The following CCDC85C variants were observed in gnomAD, a reference collection of about 807,000 sequenced individuals.
The protein encoded by CCDC85C is coiled-coil domain containing 85C.
CCDC85C carries 18 observed loss-of-function variants against 38.3 expected under a neutral mutation model. The observed-to-expected ratio is 0.47, with a 90% CI of 0.33 to 0.70. The LOEUF (loss-of-function observed/expected upper bound fraction) is 0.70, where lower values mean the gene tolerates loss of function less well. Among genes scored for constraint, CCDC85C ranks in the 30% least tolerant of loss-of-function variants. The pLI, the probability that CCDC85C is intolerant of heterozygous loss-of-function variation, is 0.03. For missense variants in CCDC85C, 566 were observed against 621.2 expected, an observed-to-expected ratio of 0.91 and a Z score of 0.94; for synonymous variants, 264 against 293.8, an observed-to-expected ratio of 0.90 and a Z score of 1.04.
At position 99,502,626 on chromosome 14, in the gene CCDC85C, C is replaced by G. The variant is rs1437764134; in HGVS notation, c.*12620G>C. On this transcript the variant is annotated 3_prime_UTR_variant, in exon 6 of 6. Coordinates refer to ENST00000380243, the MANE Select transcript of CCDC85C (RefSeq NM_001144995.2). ...TTGTAAATGTGATTCATGCTTAGGT[C>G]CTCGTAGGGGTATCATAACTGATTC... is the stretch of plus-strand genomic sequence containing the variant. 2.3e-6 allele frequency: 3 copies of G among 1,283,902 alleles called. No homozygotes were observed. In the African/African-American group the frequency reaches 4.4e-5, roughly 19 times the overall value. The allele number at this position is 1,283,902 out of a possible 1,614,324, so 79.5% of individuals were successfully genotyped here.
rs1897110628 is a variant in CCDC85C at position 99,510,761 on chromosome 14, G to A, written c.*4485C>T. 2.7e-6 allele frequency: 4 copies of A among 1,465,744 alleles called. No individual in the cohort carries two copies. In the East Asian group the frequency reaches 9.9e-5, roughly 36 times the overall value. The allele number at this position is 1,465,744 out of a possible 1,614,324, so 90.8% of individuals were successfully genotyped here. ...GCATGCCTCCAGTTGGGGGGCTGGG[G>A]CGGGCAGCCTGGATGAGATAACGTG... On this transcript the variant is annotated 3_prime_UTR_variant, in exon 6 of 6. Coordinates refer to ENST00000380243, the MANE Select transcript of CCDC85C (RefSeq NM_001144995.2).
intron 1 of CCDC85C, among the ~76,000 whole-genome samples, chr14:99,579,050 G>A (rs1272024640): frequency 6.6e-6 from 1 of 152,210 alleles, no homozygotes; most frequent in Non-Finnish European, 1.5e-5. Context: ...CCTACTGCAG[G>A]TGAGGAAACT....
intron 1 of CCDC85C, among the ~76,000 whole-genome samples, chr14:99,538,389 C>T (rs1327803804): frequency 6.6e-6 from 1 of 152,224 alleles, no homozygotes; most frequent in South Asian, 2.1e-4. Context: ...CTCCTGAAGG[C>T]TCTCCGCAGC....
intron 1 of CCDC85C, among the ~76,000 whole-genome samples, chr14:99,587,397 T>C (rs758683387): frequency 6.6e-6 from 1 of 152,228 alleles, no homozygotes; most frequent in Non-Finnish European, 1.5e-5. Context: ...CTAAGTCTCA[T>C]TTAAGGCCTC....
intron 1 of CCDC85C, among the ~76,000 whole-genome samples, chr14:99,554,411 C>T (rs1488509252): frequency 6.6e-6 from 1 of 152,234 alleles, no homozygotes; most frequent in Non-Finnish European, 1.5e-5. Flanking sequence ...AAGCCTGGCA[C>T]TGGAGTGTGC....
At chr14:99,550,806 C>G (rs1393469407) in intron 1 of CCDC85C, among the ~76,000 whole-genome samples, 2 of 152,188 alleles carry the variant, frequency 1.3e-5, no homozygotes, top group Non-Finnish European at 2.9e-5. Context: ...ACGCTGCCCT[C>G]TGAGCCGAGA....
At chr14:99,560,677 A>G (rs1189668057) in intron 1 of CCDC85C, among the ~76,000 whole-genome samples, 1 of 152,216 alleles carries the variant, frequency 6.6e-6, no homozygotes, top group Admixed American at 6.5e-5. Context: ...GGTGTACTCA[A>G]TGCACGCCTC....
intron 1 of CCDC85C, among the ~76,000 whole-genome samples, chr14:99,585,779 G>A (rs2055019568): frequency 2.0e-5 from 3 of 152,086 alleles, no homozygotes; most frequent in Admixed American, 2.0e-4. Flanking sequence ...CAGACCCTCG[G>A]GGCACCAGCC....
intron 1 of CCDC85C, among the ~76,000 whole-genome samples, chr14:99,590,149 C>T (rs1016884560): frequency 6.6e-6 from 1 of 152,188 alleles, no homozygotes; most frequent in Non-Finnish European, 1.5e-5. Context: ...CAGAGCAGCC[C>T]TGGGCTGGGG....
At chr14:99,587,234 G>A (rs1394896715) in intron 1 of CCDC85C, among the ~76,000 whole-genome samples, 4 of 152,334 alleles carry the variant, frequency 2.6e-5, no homozygotes, top group East Asian at 3.9e-4. Flanking sequence ...CCCCTGCCTC[G>A]GGAGAATCCC....
chr14:99,595,054 C>T (rs528309841), intron 1 of CCDC85C, among the ~76,000 whole-genome samples: 57 of 152,272 alleles, frequency 3.7e-4, no homozygotes, highest in Non-Finnish European at 6.0e-4. Flanking sequence ...GCCCACACCC[C>T]GAAGGAAAGC....
rs767282814 is a variant in CCDC85C, at chr14:99,510,277, C to A, written c.*4969G>T. 12 of 1,561,082 alleles carry A rather than the reference C, an allele frequency of 7.7e-6. No individual in the cohort carries two copies. Among genetic ancestry groups the A allele is most frequent in the Non-Finnish European group, 1.0e-5 (12 of 1,155,428 alleles). On this transcript the variant is annotated 3_prime_UTR_variant, in exon 6 of 6. Coordinates refer to ENST00000380243, the MANE Select transcript of CCDC85C (RefSeq NM_001144995.2). ...GCCCACCCGGCCCCTGTGCACCAGCCACCGCCGCTGCCACACCGGCCCCCG... is the reference window on the plus strand; with the variant it reads ...GCCCACCCGGCCCCTGTGCACCAGCAACCGCCGCTGCCACACCGGCCCCCG...
chr14:99,565,731 G>A (rs1043855954), intron 1 of CCDC85C, among the ~76,000 whole-genome samples: 13 of 152,204 alleles, frequency 8.5e-5, no homozygotes, highest in Non-Finnish European at 1.8e-4. Flanking sequence ...ATAACTCATT[G>A]TCTGGCTGTT....
intron 1 of CCDC85C, among the ~76,000 whole-genome samples, chr14:99,591,203 T>C (rs987345384): frequency 1.4e-4 from 22 of 152,338 alleles, no homozygotes; most frequent in Admixed American, 9.8e-4. Flanking sequence ...CTGAAGCCTT[T>C]GCGGCCTCAT....
At position 99,502,683 on chromosome 14, in the gene CCDC85C, A is replaced by G. The variant is rs189345231; in HGVS notation, c.*12563T>C. 5.0e-5 allele frequency: 80 copies of G among 1,592,132 alleles called. No homozygotes were observed. The highest frequency in any genetic ancestry group is 6.8e-5 in the Non-Finnish European group (79 of 1,160,806). On this transcript the variant is annotated 3_prime_UTR_variant, in exon 6 of 6. Coordinates refer to ENST00000380243, the MANE Select transcript of CCDC85C (RefSeq NM_001144995.2). Reference sequence around the variant, plus strand: ...CAGGTAAAATTTTATTTAAAATACCAATTTGTGTAAAATGTAATTGTTGGC... The same window carrying G: ...CAGGTAAAATTTTATTTAAAATACCGATTTGTGTAAAATGTAATTGTTGGC...
At chr14:99,546,027 G>A (rs1450164131) in intron 1 of CCDC85C, among the ~76,000 whole-genome samples, 3 of 151,224 alleles carry the variant, frequency 2.0e-5, no homozygotes, top group Non-Finnish European at 4.4e-5. Context: ...GGATTATGAT[G>A]CAACTAATCG....
chr14:99,562,903 ACT>A (rs1210271760), intron 1 of CCDC85C, among the ~76,000 whole-genome samples: 3 of 152,080 alleles, frequency 2.0e-5, no homozygotes, highest in African/African-American at 7.2e-5. Flanking sequence ...GTATGTGCAC[ACT>A]CACACACTCA....
rs1595092009 is a variant in CCDC85C at position 99,569,880 on chromosome 14, T to G, written c.793+33287A>C. Among the ~76,000 whole-genome samples the G allele has an allele frequency of 6.6e-6, 1 of 151,934 alleles. No homozygotes were observed. Among genetic ancestry groups the G allele is most frequent in the African/African-American group, 2.4e-5 (1 of 41,348 alleles). ...GGGAAGCTGAGGCGGGAGGATAGCA[T>G]GAGCCCAGGAGGTCAAGGCTGCAGT... On this transcript the variant is annotated intron_variant, in intron 1 of 5. Transcript: ENST00000380243. The surrounding 1 kb of genome is among the most constrained non-coding windows in gnomAD (Gnocchi z 4.3).
At position 99,504,398 on chromosome 14, in the gene CCDC85C, C is replaced by CTT. The variant is rs200996508; in HGVS notation, c.*10846_*10847dup. 1.5e-5 allele frequency: 2 copies of CTT among 136,978 alleles called. No individual in the cohort carries two copies. The highest frequency in any genetic ancestry group is 3.2e-5 in the Non-Finnish European group (2 of 63,108). The allele number at this position is 136,978 out of a possible 1,614,324, so 8.5% of individuals were successfully genotyped here. On this transcript the variant is annotated 3_prime_UTR_variant, in exon 6 of 6. Coordinates refer to ENST00000380243, the MANE Select transcript of CCDC85C (RefSeq NM_001144995.2). ...AAATCTTCCAGTTATGATAGAGCTACTTTTTTTTTTTTTCCAGTATATTTG... is the reference window on the plus strand; with the variant it reads ...AAATCTTCCAGTTATGATAGAGCTACTTTTTTTTTTTTTTTCCAGTATATTTG...
Sources: gnomAD v4.1 joint callset for allele counts (sites outside exome capture counted in the v4.1 genomes callset) on GRCh38, gnomAD v4.1.1 for gene constraint, Gnocchi (gnomAD v3.1) non-coding constraint, MANE v1.5 for transcripts, NCBI Gene and HGNC (gene_info 2026-07-23, HGNC 2026-07-21) for gene names.